DOT1L: variants seen among roughly 807,000 people sequenced by gnomAD.
DOT1L encodes DOT1 like histone lysine methyltransferase.
Under a neutral mutation model 153.3 loss-of-function variants are expected in DOT1L, and 33 were observed. The observed-to-expected ratio is 0.22, with a 90% confidence interval of 0.16 to 0.29. The LOEUF (loss-of-function observed/expected upper bound fraction) is 0.29. DOT1L is among the 10% of genes least tolerant of loss of function. The pLI, the probability that DOT1L is intolerant of heterozygous loss-of-function variation, is 1.00. For synonymous variants in DOT1L, 1,135 were observed against 965.1 expected, an observed-to-expected ratio of 1.18 and a Z score of -3.26; for missense variants, 1,847 against 2,119.9, an observed-to-expected ratio of 0.87 and a Z score of 2.53.
chr19:2,228,080 C>T (rs776661037), intron 27 of DOT1L: 78 of 1,332,292 alleles, frequency 5.9e-5, no homozygotes, highest in African/African-American at 7.5e-5. Flanking sequence ...TCGCGTCCCT[C>T]CCGCCTAACC....
Position 2,214,605 on chromosome 19 carries a change from C to T in DOT1L, c.1923+9C>T, listed in dbSNP as rs372357862. The stretch of plus-strand genomic sequence containing the variant: ...ACTGCCTGGAGCTGCAGGTGGGCTG[C>T]GCGCGAGGCTGCACTCCGTGGTGTC... On this transcript the variant is annotated intron_variant, in intron 19 of 27. Coordinates refer to ENST00000398665, the MANE Select transcript of DOT1L (RefSeq NM_032482.3). The T allele has an allele frequency of 3.6e-5, 58 of 1,610,932 alleles. No homozygotes were observed. Among genetic ancestry groups the T allele is most frequent in the African/African-American group, 2.3e-4 (17 of 74,920 alleles).
At chr19:2,181,795 C>G (rs562878490) in intron 2 of DOT1L, among the ~76,000 whole-genome samples, 1 of 151,936 alleles carries the variant, frequency 6.6e-6, no homozygotes, top group Non-Finnish European at 1.5e-5. Context: ...GCCCCAGCCC[C>G]AGCCCAGCTG....
chr19:2,172,883 G>A (rs1370810682), intron 1 of DOT1L, among the ~76,000 whole-genome samples: 2 of 151,584 alleles, frequency 1.3e-5, no homozygotes, highest in African/African-American at 4.9e-5. Flanking sequence ...TAGGCTGGAC[G>A]TGAGAATGGC....
chr19:2,194,755 G>T (rs2022947917), intron 7 of DOT1L, among the ~76,000 whole-genome samples, 178 bp downstream of exon 7: 1 of 152,192 alleles, frequency 6.6e-6, no homozygotes, highest in Admixed American at 6.5e-5. Flanking sequence ...GCCGGCAGCA[G>T]GCGCCTCTGT....
rs1047179669 is a variant in DOT1L, at chr19:2,190,146, C to G, written c.264+351C>G. ...CCGGGCTGTGTGAATGCCGGCCTTC[C>G]CCCTTGGACCTCCCCCACACCGCCT... is the stretch of plus-strand genomic sequence containing the variant. On this transcript the variant is annotated intron_variant, in intron 4 of 27. Transcript: ENST00000398665. This position sits in a 1 kb window ranked among gnomAD's most constrained non-coding sequence, Gnocchi z 4.8. Among the ~76,000 whole-genome samples the G allele has an allele frequency of 2.0e-5, 3 of 152,076 alleles. No homozygotes were observed. Among genetic ancestry groups the G allele is most frequent in the Admixed American group, 2.0e-4 (3 of 15,272 alleles).
At chr19:2,224,834 T>G (rs1336305276) in intron 25 of DOT1L, among the ~76,000 whole-genome samples, 10 of 152,224 alleles carry the variant, frequency 6.6e-5, no homozygotes, top group Admixed American at 6.5e-4. Context: ...CGAGAAACAT[T>G]GTAGCACCTG....
intron 9 of DOT1L, among the ~76,000 whole-genome samples, 158 bp downstream of exon 9, chr19:2,202,937 T>C (rs1299475044): frequency 2.0e-5 from 3 of 152,160 alleles, no homozygotes; most frequent in African/African-American, 7.2e-5. Flanking sequence ...TTTTCTTTTT[T>C]TATTGAGACA....
At chr19:2,212,118 C>A (rs1021035475) in intron 16 of DOT1L, 1 of 391,238 alleles carries the variant, frequency 2.6e-6, no homozygotes, top group Non-Finnish European at 4.6e-6. Flanking sequence ...CAACCTTCCC[C>A]CTAGTGCACA....
rs1022822410 is a variant in DOT1L at position 2,214,665 on chromosome 19, T to C, written c.1923+69T>C. 74 of 1,578,102 alleles carry C rather than the reference T, an allele frequency of 4.7e-5. No individual in the cohort carries two copies. In the South Asian group the frequency reaches 5.1e-4, roughly 11 times the overall value. ...CCCATCAGCCTCCCTGTGACGTCGT[T>C]GAGCCTAGGGTGGTTGCGGTTGCAG... On this transcript the variant is annotated intron_variant, in intron 19 of 27. Transcript: ENST00000398665.
intron 27 of DOT1L, chr19:2,228,058 T>A: frequency 7.6e-7 from 1 of 1,310,962 alleles, no homozygotes; most frequent in Non-Finnish European, 1.0e-6. Context: ...GAGCCCGCGC[T>A]TCTGCAGAGC....
intron 1 of DOT1L, among the ~76,000 whole-genome samples, chr19:2,167,094 C>T (rs971998654): frequency 1.3e-5 from 2 of 152,208 alleles, no homozygotes; most frequent in African/African-American, 2.4e-5. Flanking sequence ...ACGTGTTTGC[C>T]TGTGGGTCAC....
chr19:2,211,877 G>A (rs1214240846), intron 16 of DOT1L, 35 bp downstream of exon 16: 9 of 1,530,552 alleles, frequency 5.9e-6, no homozygotes, highest in East Asian at 2.4e-5. Context: ...CCGCCTTCCC[G>A]CACAGAGGCA....
chr19:2,212,124 G>A (rs753308144), intron 16 of DOT1L: 6 of 365,726 alleles, frequency 1.6e-5, no homozygotes, highest in Non-Finnish European at 5.0e-6. Context: ...TCCCCCTAGT[G>A]CACAGGTCCC....
chr19:2,202,812 G>A, intron 9 of DOT1L, 33 bp downstream of exon 9: 3 of 1,612,950 alleles, frequency 1.9e-6, no homozygotes, highest in Non-Finnish European at 2.5e-6. Context: ...CTGTGCTGGT[G>A]TGACATGATT....
intron 1 of DOT1L, among the ~76,000 whole-genome samples, chr19:2,174,956 A>ATCTGTGTG (rs1473025203): frequency 9.9e-6 from 1 of 100,522 alleles, no homozygotes; most frequent in African/African-American, 3.8e-5. Context: ...GTTTTTAAAT[A>ATCTGTGTG]TATGTGTGTG....
rs1473273233 is a variant in DOT1L at position 2,190,311 on chromosome 19, T to C, written c.264+516T>C. Among the ~76,000 whole-genome samples, 1 of 151,970 alleles carries C rather than the reference T, an allele frequency of 6.6e-6. No homozygotes were observed. The highest frequency in any genetic ancestry group is 1.5e-5 in the Non-Finnish European group (1 of 67,938). On this transcript the variant is annotated intron_variant, in intron 4 of 27. Coordinates refer to ENST00000398665, the MANE Select transcript of DOT1L (RefSeq NM_032482.3). This position sits in a 1 kb window ranked among gnomAD's most constrained non-coding sequence, Gnocchi z 4.8. The stretch of plus-strand genomic sequence containing the variant: ...AGGGAGGGGAACGTGCTGCTTCCCA[T>C]GTTCTAGAAAGCACCGGGGGCCCCT...
At chr19:2,188,778 G>A (rs982974076) in intron 3 of DOT1L, among the ~76,000 whole-genome samples, 1 of 152,190 alleles carries the variant, frequency 6.6e-6, no homozygotes, top group Non-Finnish European at 1.5e-5. Flanking sequence ...AACAGACTTG[G>A]AAGATGAGCA....
At chr19:2,202,111 C>G (rs949224359) in intron 8 of DOT1L, among the ~76,000 whole-genome samples, 1 of 152,216 alleles carries the variant, frequency 6.6e-6, no homozygotes, top group African/African-American at 2.4e-5. Context: ...TCCCTAAGTG[C>G]GGTCCTGAGT....
intron 24 of DOT1L, 40 bp from the exon 25 acceptor site, chr19:2,223,241 G>C: frequency 6.2e-7 from 1 of 1,606,430 alleles, no homozygotes; most frequent in South Asian, 1.1e-5. Flanking sequence ...GGGGTCCCGG[G>C]TCTGTGGTAT....
Sources: gnomAD v4.1 joint callset for allele counts (sites outside exome capture counted in the v4.1 genomes callset) on GRCh38, gnomAD v4.1.1 for gene constraint, Gnocchi (gnomAD v3.1) non-coding constraint, MANE v1.5 for transcripts, NCBI Gene and HGNC (gene_info 2026-07-23, HGNC 2026-07-21) for gene names.